Variants in GRPR observed in about 807,000 individuals in gnomAD.
The protein encoded by GRPR is gastrin releasing peptide receptor.
A neutral mutation model predicts 15.6 loss-of-function variants in GRPR; 4 were observed. The observed-to-expected ratio is 0.26, with a 90% confidence interval of 0.13 to 0.59. The LOEUF (loss-of-function observed/expected upper bound fraction) is 0.59. Among genes scored for constraint, GRPR ranks in the 20% least tolerant of loss-of-function variants. The pLI, the probability that GRPR is intolerant of heterozygous loss-of-function variation, is 0.90. For synonymous variants in GRPR, 128 were observed against 126.8 expected (o/e 1.01, Z -0.06); for missense variants, 270 against 304.1 (o/e 0.89, Z 0.83).
intron 1 of GRPR, among the ~76,000 whole-genome samples, chrX:16,139,809 G>A (rs768333793): frequency 9.0e-6 from 1 of 111,529 alleles, no homozygotes; most frequent in African/African-American, 3.3e-5. Flanking sequence ...CAGTGCCTTC[G>A]TTTCTTCATG....
intron 1 of GRPR, among the ~76,000 whole-genome samples, chrX:16,130,193 G>A (rs903695086): frequency 2.0e-4 from 22 of 111,441 alleles, no homozygotes; most frequent in Admixed American, 6.7e-4. Context: ...TTCCTTAATC[G>A]TATGGGGTGG....
At chrX:16,124,532 T>C (rs1922260656) in intron 1 of GRPR, among the ~76,000 whole-genome samples, 166 bp downstream of exon 1, 1 of 111,007 alleles carries the variant, frequency 9.0e-6, no homozygotes, top group African/African-American at 3.3e-5. Context: ...GAGTGTAACA[T>C]ATTGGTTTAA....
intron 2 of GRPR, 55 bp from the exon 3 acceptor site, chrX:16,152,201 C>T: frequency 9.8e-7 from 1 of 1,016,941 alleles, no homozygotes; most frequent in Non-Finnish European, 1.4e-6. Context: ...TCTCTGCATT[C>T]TTCTGACACT....
intron 1 of GRPR, among the ~76,000 whole-genome samples, chrX:16,138,953 G>GA (rs770346730): frequency 9.0e-6 from 1 of 111,534 alleles, no homozygotes; most frequent in East Asian, 2.8e-4. Flanking sequence ...AATTTTGGGG[G>GA]ATCACATTTA....
At chrX:16,124,898 G>C (rs755061725) in intron 1 of GRPR, among the ~76,000 whole-genome samples, 1 of 112,508 alleles carries the variant, frequency 8.9e-6, no homozygotes, top group Non-Finnish European at 1.9e-5. Flanking sequence ...TTTTGAATTT[G>C]ACTCTCTGTG....
intron 1 of GRPR, among the ~76,000 whole-genome samples, chrX:16,140,437 G>GA (rs1407711342): frequency 8.9e-6 from 1 of 111,785 alleles, no homozygotes; most frequent in African/African-American, 3.3e-5. Context: ...CGGATCAGGA[G>GA]AAAAAATGTA....
At chrX:16,134,482 G>GATTC (rs1233945727) in intron 1 of GRPR, among the ~76,000 whole-genome samples, 4 of 112,204 alleles carry the variant, frequency 3.6e-5, no homozygotes, top group Admixed American at 1.9e-4. Flanking sequence ...TTATCTTCCA[G>GATTC]AAGAGATTAG....
intron 1 of GRPR, among the ~76,000 whole-genome samples, chrX:16,127,066 CCCT>C (rs1338006433): frequency 1.8e-5 from 2 of 111,270 alleles, no homozygotes; most frequent in Admixed American, 9.6e-5. Flanking sequence ...AACTAGAAGA[CCCT>C]CCAAACCAGA....
At position 16,123,665 on chromosome X, in the gene GRPR, G is replaced by A; in HGVS notation, c.-289G>A. The A allele has an allele frequency of 3.2e-6, 1 of 309,100 alleles. No individual in the cohort carries two copies. The highest frequency in any genetic ancestry group is 5.3e-5 in the Admixed American group (1 of 18,941). 25.5% of individuals were successfully genotyped at this position (309,100 alleles called of 1,213,427 possible). Reference sequence around the variant, plus strand: ...TAGAATGGAGGTAGAAAGAACTGATGCAGAGTGGGTTTAATTCTAAGCCTT... The same window carrying A: ...TAGAATGGAGGTAGAAAGAACTGATACAGAGTGGGTTTAATTCTAAGCCTT... On this transcript the variant is annotated 5_prime_UTR_variant, in exon 1 of 3. The change abolishes an upstream ATG in the 5' untranslated region. Coordinates refer to ENST00000380289, the MANE Select transcript of GRPR (RefSeq NM_005314.3).
chrX:16,125,330 A>T (rs1318828219), intron 1 of GRPR, among the ~76,000 whole-genome samples: 1 of 112,624 alleles, frequency 8.9e-6, no homozygotes. Flanking sequence ...GAAATTGGAC[A>T]TAGTAATGAA....
rs765029610 is a variant in GRPR at position 16,123,961 on chromosome X, T to A, written c.8T>A (p.Leu3Gln). The A allele has an allele frequency of 2.5e-6, 3 of 1,208,508 alleles. No homozygotes were observed. The highest frequency in any genetic ancestry group is 3.4e-6 in the Non-Finnish European group (3 of 892,922). ...GGGAAAAAAAATCTAGAGATGGCTC[T>A]AAATGACTGTTTCCTTCTGAACTTG... MALNDCFLLNLEV... is the reference protein window; with the variant it reads MAQNDCFLLNLEV... Residue 3 changes from leucine (L) to glutamine (Q), a missense_variant, in exon 1 of 3, where the codon CTA (leucine) becomes CAA (glutamine). Transcript: ENST00000380289.
At chrX:16,135,770 G>C (rs1000911385) in intron 1 of GRPR, among the ~76,000 whole-genome samples, 1 of 112,196 alleles carries the variant, frequency 8.9e-6, no homozygotes, top group African/African-American at 3.2e-5. Context: ...TACCCCATGA[G>C]TACATATGGG....
intron 1 of GRPR, among the ~76,000 whole-genome samples, chrX:16,137,451 A>G (rs1253865884): frequency 8.9e-6 from 1 of 112,111 alleles, no homozygotes; most frequent in African/African-American, 3.2e-5. Flanking sequence ...ATTGTTTACT[A>G]GGGAAGTAAA....
intron 1 of GRPR, among the ~76,000 whole-genome samples, chrX:16,136,052 C>T (rs754157625): frequency 1.8e-5 from 2 of 111,396 alleles, no homozygotes; most frequent in Admixed American, 9.5e-5. Context: ...TTAAAAAGAC[C>T]CGAGCATCTA....
chrX:16,149,840 A>G (rs918589932), intron 1 of GRPR, among the ~76,000 whole-genome samples: 1 of 111,293 alleles, frequency 9.0e-6, no homozygotes, highest in Admixed American at 9.5e-5. Flanking sequence ...AATGTATTGC[A>G]CACTCGAAAA....
intron 1 of GRPR, among the ~76,000 whole-genome samples, chrX:16,147,805 C>CA (rs1468700051): frequency 1.8e-5 from 2 of 111,740 alleles, no homozygotes; most frequent in Non-Finnish European, 3.8e-5. Flanking sequence ...CACCTTTACT[C>CA]AGAGAGTTAG....
Position 16,123,928 on chromosome X carries a change from T to G in GRPR, c.-26T>G. On this transcript the variant is annotated 5_prime_UTR_variant, in exon 1 of 3. Transcript: ENST00000380289. ...GTTAAGAAATAGCATCTAAGGGAAC[T>G]TTTAGGTGGGAAAAAAAATCTAGAG... 8.4e-7 allele frequency: 1 copy of G among 1,191,179 alleles called. No individual in the cohort carries two copies. Among genetic ancestry groups the G allele is most frequent in the Non-Finnish European group, 1.1e-6 (1 of 878,969 alleles).
intron 1 of GRPR, among the ~76,000 whole-genome samples, chrX:16,126,151 G>A (rs755896663): frequency 2.2e-4 from 25 of 111,554 alleles, no homozygotes; most frequent in Non-Finnish European, 4.1e-4. Context: ...GCACTCCTTC[G>A]CGGCTCCAGT....
intron 1 of GRPR, among the ~76,000 whole-genome samples, chrX:16,141,111 G>A (rs1922525528): frequency 8.9e-6 from 1 of 112,179 alleles, no homozygotes; most frequent in African/African-American, 3.2e-5. Flanking sequence ...GTGCCAGGAT[G>A]TTTGAACACC....
Sources: gnomAD v4.1 joint callset for allele counts (sites outside exome capture counted in the v4.1 genomes callset) on GRCh38, gnomAD v4.1.1 for gene constraint, MANE v1.5 for transcripts, NCBI Gene and HGNC (gene_info 2026-07-23, HGNC 2026-07-21) for gene names.